TMEM108: variants seen among roughly 807,000 people sequenced by gnomAD.
TMEM108 encodes cancer/testis antigen 124.
TMEM108 carries 12 observed loss-of-function variants against 35.1 expected under a neutral mutation model. That is an observed-to-expected ratio of 0.34 (90% CI 0.22 to 0.55). The LOEUF (loss-of-function observed/expected upper bound fraction) is 0.55. Ranked by LOEUF, TMEM108 falls within the 20% of genes least tolerant of loss-of-function variation. The pLI is 0.89. For missense variants in TMEM108, 680 were observed against 753.3 expected (o/e 0.90, Z 1.14); for synonymous variants, 287 against 308.6 (o/e 0.93, Z 0.73).
At chr3:133,042,219 T>G (rs1038281764) in intron 1 of TMEM108, among the ~76,000 whole-genome samples, 2 of 152,220 alleles carry the variant, frequency 1.3e-5, no homozygotes, top group Admixed American at 1.3e-4. Context: ...GCCTGAGGTA[T>G]AGGATGCTAC....
At chr3:133,046,848 TAGG>T (rs5852724) in intron 2 of TMEM108, among the ~76,000 whole-genome samples, 55,795 of 151,740 alleles carry the variant, frequency 0.37, 10,802 homozygotes, top group Admixed American at 0.45. Context: ...GAATGAGGGA[TAGG>T]AGGTTAAAGA....
At chr3:133,187,345 G>A (rs1215377094) in intron 2 of TMEM108, among the ~76,000 whole-genome samples, 1 of 152,164 alleles carries the variant, frequency 6.6e-6, no homozygotes, top group Non-Finnish European at 1.5e-5. Flanking sequence ...TAGAAACCAT[G>A]AGAAGTTCTG....
At position 133,137,602 on chromosome 3, in the gene TMEM108, A is replaced by C. The variant is rs566337638; in HGVS notation, c.-47+91582A>C. On this transcript the variant is annotated intron_variant, in intron 2 of 5. Transcript: ENST00000321871. Reference sequence around the variant, plus strand: ...TTGACTGCCTGTTAGACCATTTGTCAGATATGTTTTTAAACTATTACAGTT... The same window carrying C: ...TTGACTGCCTGTTAGACCATTTGTCCGATATGTTTTTAAACTATTACAGTT... 2.6e-5 allele frequency among the ~76,000 whole-genome samples: 4 copies of C among 152,294 alleles called. 1 individual carries two copies. Among genetic ancestry groups the C allele is most frequent in the African/African-American group, 9.6e-5 (4 of 41,576 alleles).
At chr3:133,106,686 T>C (rs1465125796) in intron 2 of TMEM108, among the ~76,000 whole-genome samples, 2 of 152,208 alleles carry the variant, frequency 1.3e-5, no homozygotes, top group Non-Finnish European at 2.9e-5. Context: ...CAAGGGAAAA[T>C]AGCCACCATG....
At chr3:133,258,791 G>T (rs1403820525) in intron 3 of TMEM108, among the ~76,000 whole-genome samples, 1 of 152,154 alleles carries the variant, frequency 6.6e-6, no homozygotes, top group Non-Finnish European at 1.5e-5. Context: ...ATACCTCATG[G>T]CCTGAAGAAC....
At chr3:133,324,852 T>G (rs905225743) in intron 3 of TMEM108, among the ~76,000 whole-genome samples, 1 of 152,162 alleles carries the variant, frequency 6.6e-6, no homozygotes, top group African/African-American at 2.4e-5. Context: ...GGCGGGCACC[T>G]GCGATCCCAG....
At chr3:133,057,443 A>ATATATATATATATATATGTGTG (rs1943481613) in intron 2 of TMEM108, among the ~76,000 whole-genome samples, 2 of 11,452 alleles carry the variant, frequency 1.7e-4, no homozygotes, top group Non-Finnish European at 5.1e-4. Context: ...GTGTATATAT[A>ATATATATATATATATATGTGTG]TATATATATA....
At chr3:133,316,303 A>T (rs1226726218) in intron 3 of TMEM108, among the ~76,000 whole-genome samples, 3 of 152,220 alleles carry the variant, frequency 2.0e-5, no homozygotes, top group Non-Finnish European at 4.4e-5. Flanking sequence ...CTTTGTATAG[A>T]TATCCTCCAT....
chr3:133,086,279 CT>C (rs1339693426), intron 2 of TMEM108, among the ~76,000 whole-genome samples: 2 of 152,116 alleles, frequency 1.3e-5, no homozygotes, highest in Non-Finnish European at 2.9e-5. Flanking sequence ...TCCCTTCTTA[CT>C]TAATCTCTCG....
intron 2 of TMEM108, among the ~76,000 whole-genome samples, chr3:133,222,325 G>A (rs1946004320): frequency 6.6e-6 from 1 of 151,888 alleles, no homozygotes; most frequent in South Asian, 2.1e-4. Context: ...CTTTTCTCTT[G>A]CTGCTTTCAG....
At chr3:133,045,210 C>T (rs998427646) in intron 1 of TMEM108, among the ~76,000 whole-genome samples, 4 of 152,210 alleles carry the variant, frequency 2.6e-5, no homozygotes, top group South Asian at 2.1e-4. Context: ...TCTTGTGATC[C>T]GCCCACCTCA....
chr3:133,047,424 G>A (rs973924464), intron 2 of TMEM108, among the ~76,000 whole-genome samples: 6 of 152,184 alleles, frequency 3.9e-5, no homozygotes, highest in African/African-American at 1.4e-4. Context: ...ATTGTGGAGG[G>A]AGCCATTCTT....
chr3:133,341,620 A>ATTACT (rs1175703239), intron 3 of TMEM108, among the ~76,000 whole-genome samples: 1 of 151,928 alleles, frequency 6.6e-6, no homozygotes, highest in Non-Finnish European at 1.5e-5. Context: ...GAAGAATCAT[A>ATTACT]TTACTTGACT....
At chr3:133,096,509 C>T (rs188728302) in intron 2 of TMEM108, among the ~76,000 whole-genome samples, 136 of 152,212 alleles carry the variant, frequency 8.9e-4, no homozygotes, top group Non-Finnish European at 1.4e-3. Flanking sequence ...CATAGGATGT[C>T]TCTACTAATT....
intron 3 of TMEM108, among the ~76,000 whole-genome samples, chr3:133,264,757 G>A (rs1559886428): frequency 6.6e-6 from 1 of 152,146 alleles, no homozygotes; most frequent in Non-Finnish European, 1.5e-5. Flanking sequence ...AAGGTCATTC[G>A]TAAAACAAGC....
At chr3:133,293,652 G>T (rs554023528) in intron 3 of TMEM108, among the ~76,000 whole-genome samples, 1 of 152,172 alleles carries the variant, frequency 6.6e-6, no homozygotes, top group African/African-American at 2.4e-5. Flanking sequence ...ATGTTGAGTG[G>T]TTTTGCTGGC....
chr3:133,389,802 G>A (rs537451844), intron 4 of TMEM108: 168 of 164,932 alleles, frequency 1.0e-3, no homozygotes, highest in Middle Eastern at 5.8e-3. Context: ...TGTAAAATGG[G>A]GATCCTAACA....
intron 3 of TMEM108, among the ~76,000 whole-genome samples, chr3:133,328,553 C>T (rs965094593): frequency 1.1e-4 from 16 of 152,192 alleles, no homozygotes; most frequent in African/African-American, 3.9e-4. Flanking sequence ...TGTCTTCCCT[C>T]TCTATCACTC....
intron 2 of TMEM108, among the ~76,000 whole-genome samples, chr3:133,091,993 T>C (rs1162205175): frequency 2.6e-5 from 4 of 152,204 alleles, no homozygotes; most frequent in Non-Finnish European, 5.9e-5. Context: ...CCCTGTCTAA[T>C]AAGATGCTGA....
Sources: gnomAD v4.1 joint callset for allele counts (sites outside exome capture counted in the v4.1 genomes callset) on GRCh38, gnomAD v4.1.1 for gene constraint, MANE v1.5 for transcripts, NCBI Gene and HGNC (gene_info 2026-07-23, HGNC 2026-07-21) for gene names.